Variants in SETD7 observed in about 807,000 individuals in gnomAD.
The protein encoded by SETD7 is SET domain containing 7, histone lysine methyltransferase.
A neutral mutation model predicts 41.8 loss-of-function variants in SETD7; 16 were observed. That is an observed-to-expected ratio of 0.38 (90% CI 0.26 to 0.58). SETD7 has a LOEUF of 0.58. SETD7 is among the 20% of genes least tolerant of loss of function. The pLI is 0.64. For synonymous variants in SETD7, 163 were observed against 169.7 expected, an observed-to-expected ratio of 0.96 and a Z score of 0.31; for missense variants, 346 against 459.7, an observed-to-expected ratio of 0.75 and a Z score of 2.26.
chr4:139,511,551 A>G lies in SETD7; in HGVS notation c.*112T>C. On this transcript the variant is annotated 3_prime_UTR_variant, in exon 8 of 8. Coordinates refer to ENST00000274031, the MANE Select transcript of SETD7 (RefSeq NM_030648.4). ...AGAAAGTCGTTGCTAACGCATGGTG[A>G]GAGGATGTGACGTCACAGCATGAGC... is the stretch of plus-strand genomic sequence containing the variant. 1 of 1,569,716 alleles carries G rather than the reference A, an allele frequency of 6.4e-7. No homozygotes were observed. The highest frequency in any genetic ancestry group is 8.6e-7 in the Non-Finnish European group (1 of 1,164,500).
At chr4:139,520,033 C>G (rs1560679672) in intron 6 of SETD7, among the ~76,000 whole-genome samples, 3 of 152,116 alleles carry the variant, frequency 2.0e-5, no homozygotes, top group Admixed American at 2.0e-4. Flanking sequence ...GACATTGGTA[C>G]AGTCTAATAT....
In SETD7 at chr4:139,555,447, C is replaced by G. The variant is rs1728235668; in HGVS notation, c.40+651G>C. ...CCTGACTGAGTTCGCTCGGGGGCAG[C>G]TGAGGGGAGGGCTGCCCGCCTCCCG... On this transcript the variant is annotated intron_variant, in intron 1 of 7. Coordinates refer to ENST00000274031, the MANE Select transcript of SETD7 (RefSeq NM_030648.4). The surrounding 1 kb of genome is among the most constrained non-coding windows in gnomAD (Gnocchi z 4.0). Among the ~76,000 whole-genome samples, 1 of 152,028 alleles carries G rather than the reference C, an allele frequency of 6.6e-6. No homozygotes were observed. The highest frequency in any genetic ancestry group is 1.5e-5 in the Non-Finnish European group (1 of 68,000).
exon 8 of SETD7, chr4:139,496,339 GC>G: frequency 1.4e-6 from 1 of 700,604 alleles, no homozygotes; most frequent in South Asian, 1.5e-5. Context: ...CATTCCATTC[GC>G]TTTTATCTTT....
chr4:139,514,052 G>A lies in SETD7; in HGVS notation c.921-2209C>T, dbSNP rs532682686. On this transcript the variant is annotated intron_variant, in intron 7 of 7. Coordinates refer to ENST00000274031, the MANE Select transcript of SETD7 (RefSeq NM_030648.4). ...ATTCCCACCACTTTGGGAGGCTGAG[G>A]CGGATAGATCACCTGAGCTCGGGAG... 1.8e-4 allele frequency among the ~76,000 whole-genome samples: 28 copies of A among 152,334 alleles called. No homozygotes were observed. The South Asian group carries it at 5.8e-3, about 32-fold the overall frequency.
chr4:139,555,952 C>T lies in SETD7; in HGVS notation c.40+146G>A, dbSNP rs933611054. On this transcript the variant is annotated intron_variant, in intron 1 of 7. Transcript: ENST00000274031. The surrounding 1 kb of genome is among the most constrained non-coding windows in gnomAD (Gnocchi z 4.0). ...CGGCGGCGTGACCGTGGCTGTCGGG[C>T]CCCCGCCCGAGCCGGGCAACCGGCC... 10 of 657,386 alleles carry T rather than the reference C, an allele frequency of 1.5e-5. No homozygotes were observed. Among genetic ancestry groups the T allele is most frequent in the African/African-American group, 3.8e-5 (2 of 52,450 alleles). The allele number at this position is 657,386 out of a possible 1,614,324, so 40.7% of individuals were successfully genotyped here.
chr4:139,502,272 T>G (rs72726557), downstream of SETD7, among the ~76,000 whole-genome samples: 16,354 of 152,140 alleles, frequency 0.11, 1,026 homozygotes, highest in South Asian at 0.19. Context: ...CAATAAACAA[T>G]CAACATAATA....
At chr4:139,534,311 A>C (rs1727576607) in intron 2 of SETD7, among the ~76,000 whole-genome samples, 1 of 152,246 alleles carries the variant, frequency 6.6e-6, no homozygotes, top group Non-Finnish European at 1.5e-5. Flanking sequence ...TTTAAAATTT[A>C]AAATGTAAGA....
downstream of SETD7, among the ~76,000 whole-genome samples, chr4:139,502,072 A>C (rs1726590868): frequency 6.6e-6 from 1 of 152,382 alleles, no homozygotes; most frequent in Admixed American, 6.5e-5. Flanking sequence ...GTTATGTCAC[A>C]CAGCTAGAAA....
At chr4:139,520,152 A>G in intron 6 of SETD7, 125 bp downstream of exon 6, 1 of 557,776 alleles carries the variant, frequency 1.8e-6, no homozygotes, top group Non-Finnish European at 3.2e-6. Context: ...AAAATGTCCA[A>G]TCATTTTTAC....
rs879279268 is a variant in SETD7 at position 139,506,409 on chromosome 4, AC to A, written c.*5253del. On this transcript the variant is annotated 3_prime_UTR_variant, in exon 8 of 8. Coordinates refer to ENST00000274031, the MANE Select transcript of SETD7 (RefSeq NM_030648.4). ...CCCCTGGCTTCTACTTCTTCAACAT[AC>A]CTCACAACCTAATAAATGTATTTCA... 1.3e-5 allele frequency: 2 copies of A among 152,576 alleles called. No homozygotes were observed. The highest frequency in any genetic ancestry group is 2.9e-5 in the Non-Finnish European group (2 of 68,038). The allele number at this position is 152,576 out of a possible 1,614,324, so 9.5% of individuals were successfully genotyped here.
downstream of SETD7, among the ~76,000 whole-genome samples, chr4:139,495,739 A>T (rs1726442033): frequency 6.6e-6 from 1 of 152,250 alleles, no homozygotes; most frequent in Non-Finnish European, 1.5e-5. Flanking sequence ...GTGGGGACAC[A>T]GATCCAAACC....
At chr4:139,493,990 G>A (rs896456732), downstream of SETD7, among the ~76,000 whole-genome samples, 5 of 152,252 alleles carry the variant, frequency 3.3e-5, no homozygotes, top group East Asian at 3.9e-4. Context: ...CTGACCTCTC[G>A]TTGGCCAAAA....
At chr4:139,524,125 C>T (rs1398461705) in intron 4 of SETD7, among the ~76,000 whole-genome samples, 2 of 152,180 alleles carry the variant, frequency 1.3e-5, no homozygotes, top group African/African-American at 2.4e-5. Context: ...GGGCTTACTC[C>T]TGCAAAACAA....
rs1273344593 is a variant in SETD7, at chr4:139,547,006, G to C, written c.84C>G (p.Val28=). ...CAAATCTGTCTGTGGAGGAGTAGGTGACTGTGCAGAACCCGTGCGGTAATC... is the reference window on the plus strand; with the variant it reads ...CAAATCTGTCTGTGGAGGAGTAGGTCACTGTGCAGAACCCGTGCGGTAATC... ...DDGLPHGFCT[V]TYSSTDRFEG... Residue 28 remains valine, a synonymous_variant, in exon 2 of 8, where the codon GTC becomes GTG. Coordinates refer to ENST00000274031, the MANE Select transcript of SETD7 (RefSeq NM_030648.4). The C allele has an allele frequency of 6.2e-7, 1 of 1,614,154 alleles. No individual in the cohort carries two copies. The highest frequency in any genetic ancestry group is 1.3e-5 in the African/African-American group (1 of 75,024).
At position 139,555,150 on chromosome 4, in the gene SETD7, A is replaced by G. The variant is rs1728219803; in HGVS notation, c.40+948T>C. Among the ~76,000 whole-genome samples, 1 of 150,384 alleles carries G rather than the reference A, an allele frequency of 6.6e-6. No individual in the cohort carries two copies. Among genetic ancestry groups the G allele is most frequent in the Admixed American group, 6.6e-5 (1 of 15,062 alleles). On this transcript the variant is annotated intron_variant, in intron 1 of 7. Transcript: ENST00000274031. The surrounding 1 kb of genome is among the most constrained non-coding windows in gnomAD (Gnocchi z 4.0). The stretch of plus-strand genomic sequence containing the variant: ...CCTATGATACAAACAACGAGATTGT[A>G]TAACGTCCCCACATCGTTTTTTCAG...
At chr4:139,552,221 G>A (rs552668905) in intron 1 of SETD7, among the ~76,000 whole-genome samples, 2 of 152,296 alleles carry the variant, frequency 1.3e-5, no homozygotes, top group South Asian at 4.2e-4. Context: ...ACTCTTAGCA[G>A]AGACAAGTAG....
intron 1 of SETD7, among the ~76,000 whole-genome samples, chr4:139,550,504 T>A (rs775727081): frequency 3.3e-5 from 5 of 152,074 alleles, no homozygotes; most frequent in Non-Finnish European, 7.4e-5. Flanking sequence ...ATATTTAATA[T>A]CCCGGATTAG....
chr4:139,515,784 C>G (rs984617863), intron 7 of SETD7, among the ~76,000 whole-genome samples: 4 of 152,192 alleles, frequency 2.6e-5, no homozygotes, highest in Non-Finnish European at 5.9e-5. Flanking sequence ...TCTTGAGGAA[C>G]CTCCAAATCC....
At position 139,507,954 on chromosome 4, in the gene SETD7, G is replaced by A. The variant is rs1726755459; in HGVS notation, c.*3709C>T. 6.6e-6 allele frequency: 1 copy of A among 152,124 alleles called. No homozygotes were observed. The highest frequency in any genetic ancestry group is 2.4e-5 in the African/African-American group (1 of 41,420). 9.4% of individuals were successfully genotyped at this position (152,124 alleles called of 1,614,324 possible). A position where few individuals can be genotyped will look rare whatever the true frequency, so the allele number is the denominator to read the frequency against. On this transcript the variant is annotated 3_prime_UTR_variant, in exon 8 of 8. Coordinates refer to ENST00000274031, the MANE Select transcript of SETD7 (RefSeq NM_030648.4). ...ACTACTCTTAAGACAGAAGCTTGAG[G>A]CAACTGTTTTAAAACAAAGCAAAAC...
Sources: allele counts gnomAD v4.1 joint callset (sites outside exome capture counted in the v4.1 genomes callset), GRCh38; gene constraint gnomAD v4.1.1; non-coding constraint Gnocchi (gnomAD v3.1); transcripts MANE v1.5; gene names NCBI Gene and HGNC (gene_info 2026-07-23, HGNC 2026-07-21).